PRKCE: variants seen among roughly 807,000 people sequenced by gnomAD.
PRKCE encodes protein kinase C epsilon type.
In PRKCE, 16 loss-of-function variants were observed where a neutral mutation model predicts 85.4. The observed-to-expected ratio is 0.19, with a 90% confidence interval of 0.13 to 0.28. The LOEUF is 0.28. PRKCE is among the 10% of genes least tolerant of loss of function. The pLI is 1.00. For synonymous variants in PRKCE, 388 were observed against 371.5 expected, an observed-to-expected ratio of 1.04 and a Z score of -0.51; for missense variants, 573 against 975.2, an observed-to-expected ratio of 0.59 and a Z score of 5.49.
At position 46,010,308 on chromosome 2, in the gene PRKCE, A is replaced by G. The variant is rs761226839; in HGVS notation, c.1264-36A>G. 7 of 1,555,412 alleles carry G rather than the reference A, an allele frequency of 4.5e-6. No homozygotes were observed. The African/African-American group carries it at 9.5e-5, about 21-fold the overall frequency. On this transcript the variant is annotated intron_variant, in intron 9 of 14. Transcript: ENST00000306156. The stretch of plus-strand genomic sequence containing the variant: ...TACACTTCTTCTTTTTATTCCATAC[A>G]TGCATAGATTGATGGAGGCAATTGA...
At chr2:45,890,372 T>C (rs1277344336) in intron 2 of PRKCE, among the ~76,000 whole-genome samples, 1 of 152,070 alleles carries the variant, frequency 6.6e-6, no homozygotes, top group Non-Finnish European at 1.5e-5. Context: ...TGTTTCTCAG[T>C]ATCTTTTCAA....
At chr2:45,833,027 C>G (rs902224284) in intron 1 of PRKCE, among the ~76,000 whole-genome samples, 19 of 151,062 alleles carry the variant, frequency 1.3e-4, no homozygotes, top group African/African-American at 4.4e-4. Context: ...GAGTCAAGAA[C>G]TGAATATCAG....
chr2:45,695,091 G>A (rs1405825490), intron 1 of PRKCE, among the ~76,000 whole-genome samples: 1 of 152,164 alleles, frequency 6.6e-6, no homozygotes, highest in Non-Finnish European at 1.5e-5. Flanking sequence ...TCCTGAGTCA[G>A]GAAACTTTCT....
At chr2:45,757,887 G>A (rs1232468911) in intron 1 of PRKCE, among the ~76,000 whole-genome samples, 2 of 152,296 alleles carry the variant, frequency 1.3e-5, no homozygotes, top group Middle Eastern at 3.4e-3. Context: ...CTTGACGGAG[G>A]TTGATGCTGG....
intron 1 of PRKCE, among the ~76,000 whole-genome samples, chr2:45,798,511 C>T (rs1382209123): frequency 6.6e-6 from 1 of 152,196 alleles, no homozygotes; most frequent in African/African-American, 2.4e-5. Flanking sequence ...AGATGTCAAA[C>T]ATAAAGACTG....
Position 45,711,619 on chromosome 2 carries a change from C to T in PRKCE, c.348+59171C>T, listed in dbSNP as rs565181262. 1.6e-4 allele frequency among the ~76,000 whole-genome samples: 24 copies of T among 152,188 alleles called. No individual in the cohort carries two copies. The South Asian group carries it at 5.0e-3, about 32-fold the overall frequency. On this transcript the variant is annotated intron_variant, in intron 1 of 14. Transcript: ENST00000306156. ...TTGGCTATTACTTCTATTATGTTTC[C>T]ATTATTGTTATTATTTATGTAATTT...
At chr2:45,908,051 A>G (rs577992173) in intron 2 of PRKCE, among the ~76,000 whole-genome samples, 1 of 152,264 alleles carries the variant, frequency 6.6e-6, no homozygotes, top group East Asian at 1.9e-4. Context: ...GGCATTTTCC[A>G]GAGTGTGAGT....
intron 6 of PRKCE, among the ~76,000 whole-genome samples, chr2:45,999,864 C>A (rs1030366358): frequency 6.6e-6 from 1 of 152,040 alleles, no homozygotes; most frequent in Non-Finnish European, 1.5e-5. Flanking sequence ...GAGATTGTTT[C>A]TTCAGCCATG....
intron 11 of PRKCE, among the ~76,000 whole-genome samples, chr2:46,095,307 A>G (rs1670577431): frequency 6.6e-6 from 1 of 152,194 alleles, no homozygotes; most frequent in South Asian, 2.1e-4. Flanking sequence ...GCAGGAACCA[A>G]GTGAAGCCAG....
At chr2:45,711,878 C>T (rs753203383) in intron 1 of PRKCE, among the ~76,000 whole-genome samples, 1 of 152,176 alleles carries the variant, frequency 6.6e-6, no homozygotes, top group Non-Finnish European at 1.5e-5. Context: ...ATGCCTTGGC[C>T]TCCCAAAGTG....
chr2:45,759,762 A>G (rs1684304822), intron 1 of PRKCE, among the ~76,000 whole-genome samples: 1 of 152,208 alleles, frequency 6.6e-6, no homozygotes, highest in African/African-American at 2.4e-5. Flanking sequence ...CCATGGCATT[A>G]TGTGCTGTTT....
chr2:46,012,752 T>A (rs77888742), intron 10 of PRKCE, among the ~76,000 whole-genome samples: 4,230 of 152,320 alleles, frequency 0.028, 97 homozygotes, highest in Non-Finnish European at 0.04. Flanking sequence ...TGGGAATGGA[T>A]GTCTTCAATG....
chr2:45,968,931 C>T (rs1016028025), intron 2 of PRKCE, among the ~76,000 whole-genome samples: 6 of 152,016 alleles, frequency 3.9e-5, no homozygotes, highest in East Asian at 3.9e-4. Flanking sequence ...CCAAAGAAAA[C>T]GGGCCAGGTG....
intron 11 of PRKCE, among the ~76,000 whole-genome samples, chr2:46,103,316 C>T (rs1042547436): frequency 1.3e-5 from 2 of 152,166 alleles, no homozygotes; most frequent in African/African-American, 4.8e-5. Flanking sequence ...TTTCTTGCCC[C>T]AGTCCTAGAA....
intron 11 of PRKCE, among the ~76,000 whole-genome samples, chr2:46,090,790 C>T (rs1405588470): frequency 1.3e-5 from 2 of 152,018 alleles, no homozygotes; most frequent in Non-Finnish European, 1.5e-5. Context: ...GATGGAGAAG[C>T]TGTACATATG....
At chr2:45,925,654 A>T (rs1471509472) in intron 2 of PRKCE, among the ~76,000 whole-genome samples, 1 of 152,228 alleles carries the variant, frequency 6.6e-6, no homozygotes, top group Non-Finnish European at 1.5e-5. Context: ...TGTACCTAGG[A>T]TACATCCATC....
chr2:45,719,185 C>T (rs561439209), intron 1 of PRKCE, among the ~76,000 whole-genome samples: 45 of 152,376 alleles, frequency 3.0e-4, no homozygotes, highest in African/African-American at 1.0e-3. Flanking sequence ...GGACTTCCCT[C>T]TTCTTTGGCA....
chr2:46,058,325 C>T (rs567595457), intron 10 of PRKCE, among the ~76,000 whole-genome samples: 2 of 152,220 alleles, frequency 1.3e-5, no homozygotes, highest in Non-Finnish European at 2.9e-5. Flanking sequence ...ACCCATCCAG[C>T]CTCTGGAAAG....
chr2:45,884,743 A>G (rs1238302695), intron 2 of PRKCE, among the ~76,000 whole-genome samples: 1 of 151,692 alleles, frequency 6.6e-6, no homozygotes, highest in Non-Finnish European at 1.5e-5. Context: ...AGTTTTTCTT[A>G]TGAAAGTAAT....
Sources: gnomAD v4.1 joint callset for allele counts (sites outside exome capture counted in the v4.1 genomes callset) on GRCh38, gnomAD v4.1.1 for gene constraint, MANE v1.5 for transcripts, NCBI Gene and HGNC (gene_info 2026-07-23, HGNC 2026-07-21) for gene names.